GABBR2: variants seen among roughly 807,000 people sequenced by gnomAD.
The protein encoded by GABBR2 is gamma-aminobutyric acid type B receptor subunit 2, also known as G-protein coupled receptor 51.
GABBR2 carries 23 observed loss-of-function variants against 105.6 expected under a neutral mutation model. That is an observed-to-expected ratio of 0.22 (90% CI 0.16 to 0.31). The LOEUF (loss-of-function observed/expected upper bound fraction) is 0.31. Ranked by LOEUF, GABBR2 falls within the 10% of genes least tolerant of loss-of-function variation. The probability of loss-of-function intolerance (pLI) is 1.00; values close to 1 mark genes in which losing one functional copy is unlikely to be tolerated. For synonymous variants in GABBR2, 478 were observed against 499.7 expected (o/e 0.96, Z 0.58); for missense variants, 734 against 1,245.5 (o/e 0.59, Z 6.18).
intron 1 of GABBR2, among the ~76,000 whole-genome samples, chr9:98,651,829 A>T (rs1202890410): frequency 6.6e-6 from 1 of 152,240 alleles, no homozygotes; most frequent in Admixed American, 6.5e-5. Flanking sequence ...GACATTTATT[A>T]GACAATTGGA....
At chr9:98,436,796 T>C (rs1825934869) in intron 7 of GABBR2, among the ~76,000 whole-genome samples, 2 of 152,122 alleles carry the variant, frequency 1.3e-5, no homozygotes, top group African/African-American at 2.4e-5. Context: ...TTCATCACAG[T>C]AATCAAGTCT....
intron 11 of GABBR2, among the ~76,000 whole-genome samples, chr9:98,384,930 A>G (rs1405942911): frequency 6.6e-6 from 1 of 152,240 alleles, no homozygotes; most frequent in Non-Finnish European, 1.5e-5. Context: ...TTAGGGGAAC[A>G]ATAAGGAAAA....
chr9:98,311,303 G>A, intron 13 of GABBR2, 98 bp from the exon 14 acceptor site: 1 of 714,296 alleles, frequency 1.4e-6, no homozygotes, highest in East Asian at 2.7e-5. Flanking sequence ...GTGAGCCATA[G>A]CCAATGCCAC....
At chr9:98,493,398 T>C (rs1185832399) in intron 4 of GABBR2, among the ~76,000 whole-genome samples, 1 of 152,222 alleles carries the variant, frequency 6.6e-6, no homozygotes, top group Non-Finnish European at 1.5e-5. Context: ...CTGTTTCTAC[T>C]GTTTTGGATT....
intron 4 of GABBR2, among the ~76,000 whole-genome samples, chr9:98,487,651 G>A (rs1827087303): frequency 6.6e-6 from 1 of 151,898 alleles, no homozygotes; most frequent in Admixed American, 6.6e-5. Context: ...GGTGGTGCAT[G>A]CCTGTAGTCC....
chr9:98,537,251 G>A (rs954550672), intron 3 of GABBR2, among the ~76,000 whole-genome samples: 2 of 152,222 alleles, frequency 1.3e-5, no homozygotes, highest in Non-Finnish European at 2.9e-5. Flanking sequence ...ACAGCATGAT[G>A]TGCCTCAAAC....
chr9:98,463,762 A>G (rs1458573999), intron 6 of GABBR2, among the ~76,000 whole-genome samples: 2 of 151,852 alleles, frequency 1.3e-5, no homozygotes, highest in Admixed American at 1.3e-4. Flanking sequence ...CGGCCTGCCT[A>G]GTGCCTGGGA....
intron 11 of GABBR2, 150 bp downstream of exon 11, chr9:98,385,490 T>C: frequency 1.5e-6 from 1 of 660,192 alleles, no homozygotes; most frequent in Non-Finnish European, 2.7e-6. Flanking sequence ...ACACCGTTCT[T>C]CCCTGTTGAG....
At chr9:98,404,724 T>A (rs1017605162) in intron 8 of GABBR2, among the ~76,000 whole-genome samples, 1 of 152,066 alleles carries the variant, frequency 6.6e-6, no homozygotes, top group African/African-American at 2.4e-5. Flanking sequence ...CGTTTTTCCC[T>A]CATCACACAA....
At chr9:98,399,162 T>C (rs1832345422) in intron 8 of GABBR2, among the ~76,000 whole-genome samples, 1 of 152,072 alleles carries the variant, frequency 6.6e-6, no homozygotes, top group Admixed American at 6.6e-5. Flanking sequence ...AAGACCAGCC[T>C]GGCCAACATG....
intron 3 of GABBR2, among the ~76,000 whole-genome samples, chr9:98,523,548 A>G (rs1564103280): frequency 6.6e-6 from 1 of 152,234 alleles, no homozygotes. Context: ...TAGAGCTCTA[A>G]GAGGAACCCT....
In GABBR2 at chr9:98,406,112, T is replaced by C; in HGVS notation, c.1266A>G (p.Arg422=). The change falls in exon 8 of 19, where the codon AGA becomes AGG. Residue 422 remains arginine, a synonymous_variant. Coordinates refer to ENST00000259455, the MANE Select transcript of GABBR2 (RefSeq NM_005458.8). ...TGQVVFRNGE[R]MGTIKFTQFQ... ...ATTGAGTAAATTTAATGGTCCCCATTCTCTCCCCATTCCGGAATACAACTT... is the reference window on the plus strand; with the variant it reads ...ATTGAGTAAATTTAATGGTCCCCATCCTCTCCCCATTCCGGAATACAACTT... 1 of 1,585,350 alleles carries C rather than the reference T, an allele frequency of 6.3e-7. No individual in the cohort carries two copies. The highest frequency in any genetic ancestry group is 8.6e-7 in the Non-Finnish European group (1 of 1,162,702).
At chr9:98,372,552 T>C (rs540230130) in intron 11 of GABBR2, among the ~76,000 whole-genome samples, 4 of 152,332 alleles carry the variant, frequency 2.6e-5, no homozygotes, top group Non-Finnish European at 4.4e-5. Context: ...TTGGATGTGG[T>C]AGGGGAAAAA....
chr9:98,481,287 C>A (rs533312078), intron 4 of GABBR2, among the ~76,000 whole-genome samples: 1 of 152,198 alleles, frequency 6.6e-6, no homozygotes, highest in Admixed American at 6.5e-5. Context: ...CTCTCAGGGG[C>A]CTTGCAACCT....
At chr9:98,547,406 G>A (rs1226061328) in intron 2 of GABBR2, among the ~76,000 whole-genome samples, 1 of 115,694 alleles carries the variant, frequency 8.6e-6, no homozygotes, top group Non-Finnish European at 1.9e-5. Flanking sequence ...AGCATATGTA[G>A]TATGTTTATC....
chr9:98,390,375 C>CAAAAAAAAAAAAAAAAAA (rs61216428), intron 9 of GABBR2, among the ~76,000 whole-genome samples: 11 of 32,436 alleles, frequency 3.4e-4, no homozygotes, highest in African/African-American at 9.0e-4. Context: ...CTCCATCTCA[C>CAAAAAAAAAAAAAAAAAA]AAAAAAAAAA....
At chr9:98,576,984 A>G (rs1227059855) in intron 2 of GABBR2, among the ~76,000 whole-genome samples, 1 of 135,442 alleles carries the variant, frequency 7.4e-6, no homozygotes, top group Non-Finnish European at 1.6e-5. Flanking sequence ...GTATGGATGG[A>G]TGGATGTATG....
intron 13 of GABBR2, among the ~76,000 whole-genome samples, chr9:98,326,455 C>T (rs1377533427): frequency 6.6e-6 from 1 of 152,214 alleles, no homozygotes; most frequent in African/African-American, 2.4e-5. Flanking sequence ...ATCCCATCTG[C>T]TCATGCATAT....
At chr9:98,337,340 G>GACCTAAATA (rs1308406642) in intron 13 of GABBR2, among the ~76,000 whole-genome samples, 1 of 152,046 alleles carries the variant, frequency 6.6e-6, no homozygotes, top group African/African-American at 2.4e-5. Flanking sequence ...AATTAAAGAA[G>GACCTAAATA]ACCTAAATAA....
Sources: gnomAD v4.1 joint callset for allele counts (sites outside exome capture counted in the v4.1 genomes callset) on GRCh38, gnomAD v4.1.1 for gene constraint, MANE v1.5 for transcripts, NCBI Gene and HGNC (gene_info 2026-07-23, HGNC 2026-07-21) for gene names.